The following ZNF892 variants were observed in gnomAD, a reference collection of about 807,000 sequenced individuals.
The protein encoded by ZNF892 is zinc finger protein 892, also known as zinc finger protein 570-like.
the ZNF892 span, among the ~76,000 whole-genome samples, chr2:95,245,983 C>G: frequency 9.2e-5 from 14 of 152,140 alleles, no homozygotes; most frequent in African/African-American, 3.4e-4. Context: ...TCAAAAAAAT[C>G]GAAAAGGAGG....
At chr2:95,215,624 A>G in the ZNF892 span, 1 of 399,358 alleles carries the variant, frequency 2.5e-6, no homozygotes, top group Non-Finnish European at 4.4e-6. Flanking sequence ...AATGTGGTAC[A>G]TTCAGAGCAT....
At chr2:95,213,234 A>T in the ZNF892 span, among the ~76,000 whole-genome samples, 3 of 152,214 alleles carry the variant, frequency 2.0e-5, no homozygotes, top group African/African-American at 7.2e-5. Context: ...CTGTGTGTTC[A>T]TGAACATTTG....
the ZNF892 span, among the ~76,000 whole-genome samples, chr2:95,251,355 T>A: frequency 5.3e-5 from 8 of 152,336 alleles, no homozygotes; most frequent in African/African-American, 1.7e-4. Flanking sequence ...TTGTTGAGGA[T>A]GAGAACTTTC....
chr2:95,262,759 C>T, the ZNF892 span, among the ~76,000 whole-genome samples: 12 of 152,342 alleles, frequency 7.9e-5, no homozygotes, highest in East Asian at 1.9e-4. Flanking sequence ...AAATATATTT[C>T]GGCTTAGGTT....
chr2:95,211,327 T>C, the ZNF892 span, among the ~76,000 whole-genome samples: 1 of 152,244 alleles, frequency 6.6e-6, no homozygotes, highest in African/African-American at 2.4e-5. Flanking sequence ...TGTAGTTCTG[T>C]AATTTATTGA....
chr2:95,254,333 G>A, the ZNF892 span, among the ~76,000 whole-genome samples: 1 of 152,218 alleles, frequency 6.6e-6, no homozygotes, highest in Non-Finnish European at 1.5e-5. Context: ...CATCTATTGA[G>A]ATAATCATGT....
chr2:95,257,997 C>A, the ZNF892 span, among the ~76,000 whole-genome samples: 1 of 152,250 alleles, frequency 6.6e-6, no homozygotes, highest in African/African-American at 2.4e-5. Context: ...AAGGGAATTC[C>A]CTGACCCCTT....
At chr2:95,243,855 A>T in the ZNF892 span, among the ~76,000 whole-genome samples, 1 of 152,202 alleles carries the variant, frequency 6.6e-6, no homozygotes, top group African/African-American at 2.4e-5. Flanking sequence ...CCAACAGCTC[A>T]TTGAGAACGG....
chr2:95,243,408 C>T, the ZNF892 span, among the ~76,000 whole-genome samples: 24 of 150,954 alleles, frequency 1.6e-4, no homozygotes, highest in Middle Eastern at 3.4e-3. Context: ...AAGTGAGGAG[C>T]GCCTCTTCCC....
chr2:95,225,475 C>T, the ZNF892 span, among the ~76,000 whole-genome samples: 4 of 152,206 alleles, frequency 2.6e-5, no homozygotes, highest in Non-Finnish European at 4.4e-5. Context: ...ACTGAACTCA[C>T]GCTTTTGTAA....
the ZNF892 span, among the ~76,000 whole-genome samples, chr2:95,219,377 CATCCTTG>C: frequency 5.3e-5 from 8 of 152,176 alleles, no homozygotes; most frequent in South Asian, 1.7e-3. Flanking sequence ...CTGTTGAGAC[CATCCTTG>C]AGTTTTATTT....
the ZNF892 span, among the ~76,000 whole-genome samples, chr2:95,216,321 T>C: frequency 6.6e-6 from 1 of 152,180 alleles, no homozygotes; most frequent in Non-Finnish European, 1.5e-5. Context: ...TATTGAGACA[T>C]TGCCTACTAA....
the ZNF892 span, among the ~76,000 whole-genome samples, chr2:95,248,272 G>A: frequency 1.3e-5 from 2 of 152,098 alleles, no homozygotes; most frequent in African/African-American, 4.8e-5. Context: ...CTTATAAGTG[G>A]GAGTTAAACA....
the ZNF892 span, among the ~76,000 whole-genome samples, chr2:95,257,851 G>T: frequency 2.0e-5 from 3 of 152,178 alleles, no homozygotes; most frequent in Non-Finnish European, 2.9e-5. Context: ...CTCCGTGGGC[G>T]TAGGACCCTC....
At chr2:95,243,428 C>T in the ZNF892 span, among the ~76,000 whole-genome samples, 1 of 151,588 alleles carries the variant, frequency 6.6e-6, no homozygotes, top group Non-Finnish European at 1.5e-5. Context: ...CGGCCGCCAT[C>T]CCATCTAGGA....
At chr2:95,225,113 C>A in the ZNF892 span, among the ~76,000 whole-genome samples, 1 of 152,192 alleles carries the variant, frequency 6.6e-6, no homozygotes, top group Admixed American at 6.5e-5. Flanking sequence ...TGATTGGCTT[C>A]TTTCACTTAC....
At chr2:95,225,015 G>A in the ZNF892 span, among the ~76,000 whole-genome samples, 3 of 152,114 alleles carry the variant, frequency 2.0e-5, no homozygotes, top group African/African-American at 7.2e-5. Flanking sequence ...GCTCCAGAAC[G>A]GTGAGGAAAT....
At chr2:95,245,076 A>G in the ZNF892 span, among the ~76,000 whole-genome samples, 60 of 152,306 alleles carry the variant, frequency 3.9e-4, no homozygotes, top group East Asian at 3.9e-3. Context: ...AAATGCCCAC[A>G]TGAAAAAGCT....
the ZNF892 span, among the ~76,000 whole-genome samples, chr2:95,218,870 T>C: frequency 1.3e-5 from 2 of 152,208 alleles, no homozygotes; most frequent in African/African-American, 4.8e-5. Flanking sequence ...AAGGTCTCTT[T>C]TAACCTTAAT....
Sources: gnomAD v4.1 joint callset for allele counts (sites outside exome capture counted in the v4.1 genomes callset) on GRCh38, gnomAD v4.1.1 for gene constraint, MANE v1.5 for transcripts, NCBI Gene and HGNC (gene_info 2026-07-23, HGNC 2026-07-21) for gene names.